Variants in CDYL2 observed in about 807,000 individuals in gnomAD.
The protein encoded by CDYL2 is chromodomain Y like 2.
CDYL2 carries 23 observed loss-of-function variants against 49.4 expected under a neutral mutation model. The ratio of observed to expected loss-of-function variants is 0.47; its 90% CI spans 0.34 to 0.66. The LOEUF is 0.66. Ranked by LOEUF, CDYL2 falls within the 30% of genes least tolerant of loss-of-function variation. The probability of loss-of-function intolerance (pLI) is 0.01; values close to 1 mark genes in which losing one functional copy is unlikely to be tolerated. For missense variants in CDYL2, 678 were observed against 656.4 expected, an observed-to-expected ratio of 1.03 and a Z score of -0.36; for synonymous variants, 360 against 268.8, an observed-to-expected ratio of 1.34 and a Z score of -3.32.
At position 80,685,022 on chromosome 16, in the gene CDYL2, G is replaced by A. The variant is rs767621679; in HGVS notation, c.132C>T (p.His44=). 2 of 1,614,188 alleles carry A rather than the reference G, an allele frequency of 1.2e-6. No individual in the cohort carries two copies. The highest frequency in any genetic ancestry group is 1.7e-5 in the Admixed American group (1 of 60,030). The change falls in exon 2 of 7, where the codon CAC becomes CAT. Residue 44 remains histidine (H), a synonymous_variant. Transcript: ENST00000570137. ...STEDTWEPEH[H]LLHCEEFIDE... Reference sequence around the variant, plus strand: ...CAATAAACTCCTCACAGTGCAAGAGGTGGTGCTCCGGCTCCCACGTGTCCT... The same window carrying A: ...CAATAAACTCCTCACAGTGCAAGAGATGGTGCTCCGGCTCCCACGTGTCCT...
chr16:80,655,676 C>T (rs373362100), intron 2 of CDYL2, among the ~76,000 whole-genome samples: 2 of 152,098 alleles, frequency 1.3e-5, no homozygotes, highest in Non-Finnish European at 2.9e-5. Context: ...CTCGCCTCTC[C>T]GATAAACTTA....
chr16:80,721,418 C>A (rs954148287), intron 1 of CDYL2, among the ~76,000 whole-genome samples: 3 of 152,148 alleles, frequency 2.0e-5, no homozygotes, highest in Non-Finnish European at 4.4e-5. Flanking sequence ...TTTTCCAAGG[C>A]ATGAGCAGGT....
At chr16:80,776,515 A>T (rs1907087624) in intron 1 of CDYL2, among the ~76,000 whole-genome samples, 1 of 151,696 alleles carries the variant, frequency 6.6e-6, no homozygotes, top group South Asian at 2.1e-4. Flanking sequence ...AAGTCTATTG[A>T]TAATGGAATG....
chr16:80,663,479 T>C (rs1426163855), intron 2 of CDYL2, among the ~76,000 whole-genome samples: 1 of 152,192 alleles, frequency 6.6e-6, no homozygotes. Context: ...GTTAAAATTA[T>C]GCCAGATAAA....
At chr16:80,727,895 G>T (rs1905216582) in intron 1 of CDYL2, among the ~76,000 whole-genome samples, 1 of 152,156 alleles carries the variant, frequency 6.6e-6, no homozygotes. Context: ...GGTCCTGTCT[G>T]TTAGAAGGAA....
intron 1 of CDYL2, among the ~76,000 whole-genome samples, chr16:80,771,194 A>T (rs1376529761): frequency 6.6e-6 from 1 of 152,276 alleles, no homozygotes; most frequent in Non-Finnish European, 1.5e-5. Flanking sequence ...GTAAAACCAC[A>T]CTAGGCCTCA....
Position 80,612,783 on chromosome 16 carries a change from T to C in CDYL2, c.1061A>G (p.Asn354Ser), listed in dbSNP as rs769940252. The C allele has an allele frequency of 4.3e-6, 7 of 1,613,748 alleles. No homozygotes were observed. Among genetic ancestry groups the C allele is most frequent in the South Asian group, 1.1e-5 (1 of 91,070 alleles). The change falls in exon 5 of 7, where the codon AAT becomes AGT. Residue 354 changes from asparagine (N) to serine (S), a missense_variant. Coordinates refer to ENST00000570137, the MANE Select transcript of CDYL2 (RefSeq NM_152342.4). This position sits in a 1 kb window ranked among gnomAD's most constrained non-coding sequence, Gnocchi z 5.0. ...QFKKPIVVAINGPALGLGASI... is the reference protein window; with the variant it reads ...QFKKPIVVAISGPALGLGASI... ...GGCACCCAGGCCCAGGGCCGGCCCA[T>C]TGATGGCCACCACGATAGGCTTCTT...
At chr16:80,627,396 C>T (rs918476662) in intron 3 of CDYL2, among the ~76,000 whole-genome samples, 4 of 152,158 alleles carry the variant, frequency 2.6e-5, no homozygotes, top group Middle Eastern at 3.4e-3. Flanking sequence ...CTTCTCAATT[C>T]GTTAAGAAAA....
chr16:80,695,457 A>C (rs1278473431), intron 1 of CDYL2, among the ~76,000 whole-genome samples: 1 of 152,228 alleles, frequency 6.6e-6, no homozygotes, highest in Non-Finnish European at 1.5e-5. Flanking sequence ...ATAAAGAATG[A>C]CTGAATGAAC....
intron 3 of CDYL2, 109 bp downstream of exon 3, chr16:80,632,910 G>A: frequency 9.2e-7 from 1 of 1,091,290 alleles, no homozygotes; most frequent in Non-Finnish European, 1.4e-6. Context: ...ATGCACGCTA[G>A]TTACCATCCT....
intron 1 of CDYL2, among the ~76,000 whole-genome samples, chr16:80,758,640 T>G (rs1444041335): frequency 6.6e-6 from 1 of 151,600 alleles, no homozygotes; most frequent in Non-Finnish European, 1.5e-5. Context: ...CCTCCCTGGT[T>G]CACGCCATTC....
At chr16:80,714,303 A>T (rs1904720751) in intron 1 of CDYL2, among the ~76,000 whole-genome samples, 1 of 152,076 alleles carries the variant, frequency 6.6e-6, no homozygotes, top group Non-Finnish European at 1.5e-5. Context: ...CAATAAATCA[A>T]GAAAAAAAAA....
At chr16:80,788,902 A>C (rs2142413002) in intron 1 of CDYL2, among the ~76,000 whole-genome samples, 1 of 152,304 alleles carries the variant, frequency 6.6e-6, no homozygotes, top group Admixed American at 6.5e-5. Flanking sequence ...ACAAGAAAAA[A>C]ACAAACAACT....
At chr16:80,780,333 C>G (rs1462082696) in intron 1 of CDYL2, among the ~76,000 whole-genome samples, 1 of 151,316 alleles carries the variant, frequency 6.6e-6, no homozygotes, top group African/African-American at 2.4e-5. Context: ...ACACCAATCT[C>G]ATTTCCTCCT....
rs1905914842 is a variant in CDYL2 at position 80,598,002 on chromosome 16, T to C, written c.*6386A>G. 6.6e-6 allele frequency: 1 copy of C among 152,212 alleles called. No homozygotes were observed. The highest frequency in any genetic ancestry group is 1.5e-5 in the Non-Finnish European group (1 of 68,044). 9.4% of individuals were successfully genotyped at this position (152,212 alleles called of 1,614,324 possible). On this transcript the variant is annotated 3_prime_UTR_variant, in exon 7 of 7. Coordinates refer to ENST00000570137, the MANE Select transcript of CDYL2 (RefSeq NM_152342.4). ...ATACAACTTCTAAGGCACCCAGAAA[T>C]GTGTTCATACACGTTACAGGACCAT...
At chr16:80,742,188 AC>A (rs1275672391) in intron 1 of CDYL2, 1 of 152,262 alleles carries the variant, frequency 6.6e-6, no homozygotes, top group Non-Finnish European at 1.5e-5. Context: ...CAGTGTGCCT[AC>A]CTAGCCCAGA....
At chr16:80,636,285 G>A (rs1487599755) in intron 2 of CDYL2, among the ~76,000 whole-genome samples, 1 of 152,146 alleles carries the variant, frequency 6.6e-6, no homozygotes, top group East Asian at 1.9e-4. Context: ...TACAGAATGG[G>A]AGAAAATTTT....
chr16:80,637,681 T>C (rs1458373111), intron 2 of CDYL2, among the ~76,000 whole-genome samples: 1 of 152,180 alleles, frequency 6.6e-6, no homozygotes, highest in Admixed American at 6.5e-5. Context: ...GTTTTAATAT[T>C]CAATAGTACA....
At chr16:80,745,623 AT>A (rs746537206) in intron 1 of CDYL2, among the ~76,000 whole-genome samples, 3 of 152,218 alleles carry the variant, frequency 2.0e-5, no homozygotes, top group African/African-American at 4.8e-5. Flanking sequence ...GTCAGCTGTT[AT>A]AATTATTGTT....
Sources: gnomAD v4.1 joint callset for allele counts (sites outside exome capture counted in the v4.1 genomes callset) on GRCh38, gnomAD v4.1.1 for gene constraint, Gnocchi (gnomAD v3.1) non-coding constraint, MANE v1.5 for transcripts, NCBI Gene and HGNC (gene_info 2026-07-23, HGNC 2026-07-21) for gene names.